CFAP61: variants seen among roughly 807,000 people sequenced by gnomAD.
CFAP61 encodes the protein cilia- and flagella-associated protein 61.
In CFAP61, 107 loss-of-function variants were observed where a neutral mutation model predicts 135.6. The ratio of observed to expected loss-of-function variants is 0.79; its 90% CI spans 0.67 to 0.93. CFAP61 has a LOEUF of 0.93. CFAP61 is among the 40% of genes least tolerant of loss of function. The probability of loss-of-function intolerance (pLI) is 0.00; values close to 1 mark genes in which losing one functional copy is unlikely to be tolerated. For synonymous variants in CFAP61, 575 were observed against 578.5 expected, an observed-to-expected ratio of 0.99 and a Z score of 0.09; for missense variants, 1,507 against 1,556.2, an observed-to-expected ratio of 0.97 and a Z score of 0.53.
At chr20:20,137,096 C>T (rs149883922) in intron 8 of CFAP61, among the ~76,000 whole-genome samples, 16 of 152,314 alleles carry the variant, frequency 1.1e-4, no homozygotes, top group African/African-American at 2.9e-4. Context: ...CCTTTACTTT[C>T]TGTCAAACAA....
chr20:20,257,626 AAC>A (rs56888237), intron 20 of CFAP61, among the ~76,000 whole-genome samples: 58,255 of 127,808 alleles, frequency 0.46, 11,813 homozygotes, highest in East Asian at 0.61. Flanking sequence ...AAAACAAAAA[AAC>A]AAAAAAAAAA....
At chr20:20,219,169 G>A (rs189094796) in intron 17 of CFAP61, among the ~76,000 whole-genome samples, 8 of 152,220 alleles carry the variant, frequency 5.3e-5, no homozygotes, top group South Asian at 4.1e-4. Flanking sequence ...TTTTACTGCC[G>A]ATAAAACTTA....
At chr20:20,355,274 G>A (rs190196847) in intron 26 of CFAP61, among the ~76,000 whole-genome samples, 1,802 of 132,300 alleles carry the variant, frequency 0.014, 59 homozygotes, top group African/African-American at 0.05. Context: ...ACACTGTGAG[G>A]GGTGGTCACA....
At chr20:20,179,370 A>G (rs1412496922) in intron 13 of CFAP61, among the ~76,000 whole-genome samples, 2 of 152,216 alleles carry the variant, frequency 1.3e-5, no homozygotes, top group East Asian at 3.8e-4. Context: ...ACACTGCTCA[A>G]AGAAATCAGA....
intron 25 of CFAP61, among the ~76,000 whole-genome samples, chr20:20,303,189 G>GA (rs1018269702): frequency 3.3e-5 from 5 of 151,848 alleles, no homozygotes; most frequent in African/African-American, 4.8e-5. Flanking sequence ...AGACTTTCCG[G>GA]AAAAAAAATG....
intron 8 of CFAP61, among the ~76,000 whole-genome samples, chr20:20,132,874 A>G (rs1391180078): frequency 6.7e-6 from 1 of 149,832 alleles, no homozygotes; most frequent in Non-Finnish European, 1.5e-5. Context: ...TACCCTTTCT[A>G]TTTTCTTATA....
At chr20:20,287,758 A>G (rs1200242943) in intron 22 of CFAP61, among the ~76,000 whole-genome samples, 1 of 152,238 alleles carries the variant, frequency 6.6e-6, no homozygotes, top group East Asian at 1.9e-4. Flanking sequence ...TTTTAGGGAA[A>G]GATAAAATCA....
intron 25 of CFAP61, among the ~76,000 whole-genome samples, chr20:20,325,440 G>A (rs2057707724): frequency 1.3e-5 from 2 of 152,080 alleles, no homozygotes; most frequent in African/African-American, 4.8e-5. Context: ...TTTTATTACT[G>A]TCTCCGTAGT....
intron 1 of CFAP61, among the ~76,000 whole-genome samples, chr20:20,053,686 T>C (rs1190535643): frequency 6.6e-6 from 1 of 152,120 alleles, no homozygotes; most frequent in Non-Finnish European, 1.5e-5. Context: ...CCAACATCAA[T>C]GTATTTGCCA....
rs909968376 is a variant in CFAP61, at chr20:20,224,118, A to G, written c.1933-4131A>G. Among the ~76,000 whole-genome samples, 5 of 152,206 alleles carry G rather than the reference A, an allele frequency of 3.3e-5. No homozygotes were observed. In the South Asian group the frequency reaches 1.0e-3, roughly 32 times the overall value. On this transcript the variant is annotated intron_variant, in intron 17 of 26. Coordinates refer to ENST00000245957, the MANE Select transcript of CFAP61 (RefSeq NM_015585.4). ...CGCAAAGACATAGTTCCTGACCTCTAGGAGTTAATAGTCTAGTTGTAGGGT... is the reference window on the plus strand; with the variant it reads ...CGCAAAGACATAGTTCCTGACCTCTGGGAGTTAATAGTCTAGTTGTAGGGT...
At chr20:20,204,131 A>G (rs1004007647) in intron 17 of CFAP61, among the ~76,000 whole-genome samples, 3 of 152,146 alleles carry the variant, frequency 2.0e-5, no homozygotes, top group Non-Finnish European at 4.4e-5. Flanking sequence ...TATTGTGTTC[A>G]TAGAATTGTA....
chr20:20,264,055 T>C (rs940737584), intron 21 of CFAP61, among the ~76,000 whole-genome samples: 12 of 152,322 alleles, frequency 7.9e-5, no homozygotes, highest in African/African-American at 2.6e-4. Context: ...ACCATTTAGG[T>C]ATTAACTTTT....
chr20:20,207,452 C>T lies in CFAP61; in HGVS notation c.1932+7550C>T, dbSNP rs74675830. 2.2e-3 allele frequency among the ~76,000 whole-genome samples: 341 copies of T among 152,312 alleles called. 12 individuals carry two copies. In the East Asian group the frequency reaches 0.054, roughly 24 times the overall value. On this transcript the variant is annotated intron_variant, in intron 17 of 26. Transcript: ENST00000245957. ...TGCCACAGAGGTCCAGAAGTGCCTC[C>T]GGACGCATCAGCTGCCTGCTGCAGA...
intron 22 of CFAP61, among the ~76,000 whole-genome samples, chr20:20,280,563 A>G (rs562976789): frequency 9.9e-5 from 15 of 152,206 alleles, no homozygotes; most frequent in Non-Finnish European, 2.2e-4. Flanking sequence ...TTTACTCAGC[A>G]TGGTGATTTT....
intron 11 of CFAP61, 150 bp from the exon 12 acceptor site, chr20:20,166,247 T>C (rs1365069115): frequency 3.3e-6 from 2 of 610,622 alleles, no homozygotes; most frequent in Admixed American, 3.1e-5. Flanking sequence ...TTGCGACTTA[T>C]GCACCCCATT....
At chr20:20,211,350 T>C (rs192701071) in intron 17 of CFAP61, among the ~76,000 whole-genome samples, 1 of 152,354 alleles carries the variant, frequency 6.6e-6, no homozygotes, top group East Asian at 1.9e-4. Flanking sequence ...GTTCTCAATC[T>C]GCTCTCATTC....
chr20:20,339,344 C>A (rs2058352233), intron 25 of CFAP61, among the ~76,000 whole-genome samples: 1 of 152,204 alleles, frequency 6.6e-6, no homozygotes, highest in African/African-American at 2.4e-5. Flanking sequence ...GCCAAAAATG[C>A]AGAAACCTGG....
chr20:20,211,763 C>T (rs995815977), intron 17 of CFAP61, among the ~76,000 whole-genome samples: 1 of 152,110 alleles, frequency 6.6e-6, no homozygotes, highest in Admixed American at 6.5e-5. Context: ...AAATTATCAC[C>T]ATGGTAGTCA....
At chr20:20,054,013 G>GTTTTTTTTTTTT (rs1239349657) in intron 1 of CFAP61, among the ~76,000 whole-genome samples, 44 of 59,048 alleles carry the variant, frequency 7.5e-4, no homozygotes, top group Non-Finnish European at 9.5e-4. Context: ...TTTTTTGTTT[G>GTTTTTTTTTTTT]TTTTTTTTTT....
Sources: gnomAD v4.1 joint callset for allele counts (sites outside exome capture counted in the v4.1 genomes callset) on GRCh38, gnomAD v4.1.1 for gene constraint, MANE v1.5 for transcripts, NCBI Gene and HGNC (gene_info 2026-07-23, HGNC 2026-07-21) for gene names.